ADAMTS12: variants seen among roughly 807,000 people sequenced by gnomAD.
ADAMTS12 encodes ADAM metallopeptidase with thrombospondin type 1 motif 12, also known as A disintegrin and metalloproteinase with thrombospondin motifs 12.
In ADAMTS12, 118 loss-of-function variants were observed where a neutral mutation model predicts 167.8. The observed-to-expected ratio is 0.70, with a 90% CI of 0.61 to 0.82. The LOEUF (loss-of-function observed/expected upper bound fraction) is 0.82, where lower values mean the gene tolerates loss of function less well. Among genes scored for constraint, ADAMTS12 ranks in the 40% least tolerant of loss-of-function variants. The pLI is 0.00. For missense variants in ADAMTS12, 1,916 were observed against 1,998.8 expected (o/e 0.96, Z 0.79); for synonymous variants, 704 against 716.9 (o/e 0.98, Z 0.29).
intron 20 of ADAMTS12, among the ~76,000 whole-genome samples, chr5:33,560,364 C>T (rs1449986542): frequency 2.0e-5 from 3 of 152,094 alleles, no homozygotes; most frequent in African/African-American, 4.8e-5. Flanking sequence ...GTCAGTGTGG[C>T]GATTCCTCAG....
chr5:33,711,307 G>A (rs1247644780), intron 3 of ADAMTS12, among the ~76,000 whole-genome samples: 1 of 152,118 alleles, frequency 6.6e-6, no homozygotes, highest in African/African-American at 2.4e-5. Context: ...TCTCAGGGGT[G>A]TCCACCCTCG....
intron 3 of ADAMTS12, among the ~76,000 whole-genome samples, chr5:33,705,404 G>A (rs1462663449): frequency 6.6e-6 from 1 of 151,976 alleles, no homozygotes; most frequent in Non-Finnish European, 1.5e-5. Context: ...AGTTGTTTGA[G>A]TTCTTTGTAT....
chr5:33,836,394 A>G (rs1748529744), intron 2 of ADAMTS12, among the ~76,000 whole-genome samples: 1 of 152,118 alleles, frequency 6.6e-6, no homozygotes, highest in Non-Finnish European at 1.5e-5. Flanking sequence ...GGCACATTAC[A>G]TTTCTGGGAG....
At chr5:33,743,209 A>T (rs1744656304) in intron 3 of ADAMTS12, among the ~76,000 whole-genome samples, 1 of 152,180 alleles carries the variant, frequency 6.6e-6, no homozygotes, top group African/African-American at 2.4e-5. Context: ...GATGATAACA[A>T]GGGGTCACAT....
chr5:33,614,229 G>C lies in ADAMTS12; in HGVS notation c.2527+9C>G. The C allele has an allele frequency of 1.9e-6, 3 of 1,612,880 alleles. No individual in the cohort carries two copies. Among genetic ancestry groups the C allele is most frequent in the Non-Finnish European group, 2.5e-6 (3 of 1,179,402 alleles). On this transcript the variant is annotated intron_variant, in intron 16 of 23. Coordinates refer to ENST00000504830, the MANE Select transcript of ADAMTS12 (RefSeq NM_030955.4). ...GCATGGCTTCATAGTGAGAGCAGCTGTTTCTCACCTGTCCCGCAGGTCACA... is the reference window on the plus strand; with the variant it reads ...GCATGGCTTCATAGTGAGAGCAGCTCTTTCTCACCTGTCCCGCAGGTCACA...
At chr5:33,740,878 G>A (rs1744547950) in intron 3 of ADAMTS12, among the ~76,000 whole-genome samples, 1 of 152,208 alleles carries the variant, frequency 6.6e-6, no homozygotes, top group Non-Finnish European at 1.5e-5. Context: ...GACCGTGAGT[G>A]AGGCCACGTC....
intron 13 of ADAMTS12, among the ~76,000 whole-genome samples, chr5:33,628,911 A>C (rs1739789992): frequency 6.6e-6 from 1 of 152,176 alleles, no homozygotes; most frequent in South Asian, 2.1e-4. Context: ...CAGGCTGATA[A>C]AATCTGGCTT....
intron 2 of ADAMTS12, among the ~76,000 whole-genome samples, chr5:33,813,342 T>G (rs1007837586): frequency 2.0e-5 from 3 of 152,122 alleles, no homozygotes; most frequent in Non-Finnish European, 2.9e-5. Flanking sequence ...GTGAGCACAT[T>G]TTGATGCCTA....
At chr5:33,788,399 G>A (rs1182523853) in intron 2 of ADAMTS12, among the ~76,000 whole-genome samples, 1 of 152,104 alleles carries the variant, frequency 6.6e-6, no homozygotes, top group African/African-American at 2.4e-5. Flanking sequence ...GAACGAAAGA[G>A]GGGAGGGATG....
intron 11 of ADAMTS12, among the ~76,000 whole-genome samples, chr5:33,640,938 T>G (rs1740416239): frequency 6.6e-6 from 1 of 151,246 alleles, no homozygotes; most frequent in Non-Finnish European, 1.5e-5. Context: ...ATAAATAACC[T>G]TTGGAATTGA....
intron 11 of ADAMTS12, among the ~76,000 whole-genome samples, chr5:33,637,948 A>C (rs778900605): frequency 6.6e-6 from 1 of 152,176 alleles, no homozygotes; most frequent in Non-Finnish European, 1.5e-5. Flanking sequence ...GCTTATTTTG[A>C]AATAGTTTAT....
chr5:33,720,162 C>T (rs1423477), intron 3 of ADAMTS12, among the ~76,000 whole-genome samples: 94,343 of 151,872 alleles, frequency 0.62, 30,361 homozygotes, highest in Non-Finnish European at 0.71. Context: ...TCTCATTCCA[C>T]TGGACAATGG....
At chr5:33,779,435 C>T (rs572641109) in intron 2 of ADAMTS12, among the ~76,000 whole-genome samples, 24 of 152,264 alleles carry the variant, frequency 1.6e-4, no homozygotes, top group African/African-American at 5.8e-4. Flanking sequence ...ATCCACCCAC[C>T]TTGGCCTCCC....
At chr5:33,850,990 AGCTT>A in intron 2 of ADAMTS12, among the ~76,000 whole-genome samples, 1 of 152,224 alleles carries the variant, frequency 6.6e-6, no homozygotes, top group South Asian at 2.1e-4. Flanking sequence ...CTTCTCTTAG[AGCTT>A]CTGGCTAGAT....
chr5:33,593,182 C>T (rs537290882), intron 17 of ADAMTS12, among the ~76,000 whole-genome samples: 16 of 152,230 alleles, frequency 1.1e-4, no homozygotes, highest in African/African-American at 3.9e-4. Flanking sequence ...GAGGCTGGGG[C>T]AGGAGAATTG....
intron 17 of ADAMTS12, among the ~76,000 whole-genome samples, chr5:33,593,902 A>G (rs1275289911): frequency 2.0e-5 from 3 of 152,212 alleles, no homozygotes; most frequent in Non-Finnish European, 1.5e-5. Flanking sequence ...GTATGGCATC[A>G]AATTTCTCTG....
intron 11 of ADAMTS12, among the ~76,000 whole-genome samples, chr5:33,640,122 C>A (rs1740385133): frequency 6.6e-6 from 1 of 152,172 alleles, no homozygotes; most frequent in Admixed American, 6.5e-5. Context: ...AGCAAGGATG[C>A]AGTCCCAAGA....
rs202206222 is a variant in ADAMTS12, at chr5:33,643,435, G to A, written c.1515C>T (p.Gly505=). ...CAGCGTCCAGCTTAGAGCGACAAAA[G>A]CCCTTCACGGAGCACCACAGTGTCT... ...VCQTLWCSVK[G]FCRSKLDAAA... Residue 505 remains glycine, a synonymous_variant, in exon 10 of 24, where the codon GGC becomes GGT. Transcript: ENST00000504830. 2.3e-5 allele frequency: 37 copies of A among 1,614,124 alleles called. No homozygotes were observed. The highest frequency in any genetic ancestry group is 3.1e-5 in the Non-Finnish European group (36 of 1,179,964).
chr5:33,686,745 A>G (rs1160262124), intron 3 of ADAMTS12, among the ~76,000 whole-genome samples: 1 of 151,438 alleles, frequency 6.6e-6, no homozygotes, highest in Non-Finnish European at 1.5e-5. Flanking sequence ...CACAGCAGGA[A>G]GATATATACA....
Sources: allele counts gnomAD v4.1 joint callset (sites outside exome capture counted in the v4.1 genomes callset), GRCh38; gene constraint gnomAD v4.1.1; transcripts MANE v1.5; gene names NCBI Gene and HGNC (gene_info 2026-07-23, HGNC 2026-07-21).